Variants in MARK3 observed in about 807,000 individuals in gnomAD.
The protein encoded by MARK3 is MAP/microtubule affinity-regulating kinase 3.
Under a neutral mutation model 90.1 loss-of-function variants are expected in MARK3, and 46 were observed. The observed-to-expected ratio is 0.51, with a 90% CI of 0.40 to 0.65. MARK3 has a LOEUF of 0.65. Ranked by LOEUF, MARK3 falls within the 30% of genes least tolerant of loss-of-function variation. The probability of loss-of-function intolerance (pLI) is 0.00; values close to 1 mark genes in which losing one functional copy is unlikely to be tolerated. For synonymous variants in MARK3, 321 were observed against 332.6 expected, an observed-to-expected ratio of 0.97 and a Z score of 0.38; for missense variants, 818 against 947.2, an observed-to-expected ratio of 0.86 and a Z score of 1.79.
chr14:103,400,130 T>A (rs375362552), intron 1 of MARK3, among the ~76,000 whole-genome samples: 153 of 152,282 alleles, frequency 1.0e-3, no homozygotes, highest in South Asian at 4.4e-3. Flanking sequence ...GGTTTCACCA[T>A]GTTGGCCAGG....
chr14:103,462,586 A>G, intron 7 of MARK3, 125 bp downstream of exon 7: 1 of 532,908 alleles, frequency 1.9e-6, no homozygotes, highest in Admixed American at 3.4e-5. Context: ...CAATAATTGA[A>G]TCCTCTTAAT....
At chr14:103,417,707 TTCTATC>T (rs759040196) in intron 2 of MARK3, among the ~76,000 whole-genome samples, 13 of 152,180 alleles carry the variant, frequency 8.5e-5, no homozygotes, top group South Asian at 4.1e-4. Context: ...AAAATCTATC[TTCTATC>T]TCTATGTTTT....
intron 1 of MARK3, 181 bp downstream of exon 1, chr14:103,386,261 T>C (rs1462583038): frequency 2.8e-6 from 2 of 722,366 alleles, no homozygotes; most frequent in Non-Finnish European, 2.5e-6. Context: ...TGTCCCGCTG[T>C]TCGCGGGCGG....
chr14:103,462,013 G>A (rs1039931212), intron 6 of MARK3, among the ~76,000 whole-genome samples: 36 of 141,896 alleles, frequency 2.5e-4, no homozygotes, highest in African/African-American at 9.2e-4. Context: ...TCTAGCCTGG[G>A]TGACAGAACG....
intron 6 of MARK3, among the ~76,000 whole-genome samples, chr14:103,457,850 A>G (rs974121508): frequency 3.9e-5 from 6 of 152,228 alleles, no homozygotes; most frequent in Admixed American, 6.5e-5. Context: ...AAATAAGACA[A>G]CTGAGACATG....
chr14:103,469,595 A>G (rs2093586570), intron 12 of MARK3, among the ~76,000 whole-genome samples: 1 of 151,878 alleles, frequency 6.6e-6, no homozygotes, highest in Non-Finnish European at 1.5e-5. Flanking sequence ...CTGGGACTAT[A>G]GGCACACACC....
At chr14:103,454,806 A>G (rs2093238476) in intron 5 of MARK3, among the ~76,000 whole-genome samples, 1 of 152,206 alleles carries the variant, frequency 6.6e-6, no homozygotes, top group South Asian at 2.1e-4. Flanking sequence ...GTTCTATGCC[A>G]AGGGGTCCAT....
chr14:103,425,471 C>A (rs1490582870), intron 2 of MARK3, among the ~76,000 whole-genome samples: 2 of 151,980 alleles, frequency 1.3e-5, no homozygotes, highest in African/African-American at 4.8e-5. Context: ...CCATGTTGGC[C>A]AGGCTGGTCT....
intron 14 of MARK3, among the ~76,000 whole-genome samples, chr14:103,484,163 C>CT (rs34512580): frequency 0.66 from 96,984 of 146,166 alleles, 32,171 homozygotes; most frequent in South Asian, 0.81. Flanking sequence ...AGAATCTTTT[C>CT]TTTTTTTTTT....
Position 103,478,640 on chromosome 14 carries a change from A to G in MARK3, c.1483-1747A>G, listed in dbSNP as rs2093762512. On this transcript the variant is annotated intron_variant, in intron 13 of 17. Transcript: ENST00000429436. Reference sequence around the variant, plus strand: ...CTGCAAACTCCACCTCCCGGGTTCAAGCGATTCTCCTGCCTCAGCCTCCTG... The same window carrying G: ...CTGCAAACTCCACCTCCCGGGTTCAGGCGATTCTCCTGCCTCAGCCTCCTG... Among the ~76,000 whole-genome samples the G allele has an allele frequency of 2.2e-5, 3 of 139,106 alleles. No individual in the cohort carries two copies. The Admixed American group carries it at 2.2e-4, about 10-fold the overall frequency. The allele number at this position is 139,106 out of a possible 152,430, so 91.3% of individuals were successfully genotyped here. A position where few individuals can be genotyped will look rare whatever the true frequency, so the allele number is the denominator to read the frequency against.
chr14:103,462,161 C>G (rs1274335779), intron 6 of MARK3, among the ~76,000 whole-genome samples: 1 of 151,894 alleles, frequency 6.6e-6, no homozygotes, highest in African/African-American at 2.4e-5. Context: ...GGATAGGGTC[C>G]AAAAAGAGAC....
chr14:103,476,878 A>G (rs771483430), intron 13 of MARK3, among the ~76,000 whole-genome samples: 9 of 152,234 alleles, frequency 5.9e-5, no homozygotes, highest in Non-Finnish European at 1.3e-4. Context: ...AATGCCATAC[A>G]GTAGGATTAT....
intron 12 of MARK3, among the ~76,000 whole-genome samples, chr14:103,470,059 CA>C (rs77013768): frequency 0.35 from 38,340 of 111,102 alleles, 5,784 homozygotes; most frequent in Non-Finnish European, 0.41. Context: ...GAGTCCATCT[CA>C]AAAAAAAAAA....
At chr14:103,490,889 C>T (rs2094004747) in intron 14 of MARK3, 1 of 1,117,700 alleles carries the variant, frequency 8.9e-7, no homozygotes, top group Non-Finnish European at 1.1e-6. Flanking sequence ...ACACAGGTTG[C>T]TCTGTGGTCA....
Position 103,491,898 on chromosome 14 carries a change from C to G in MARK3, c.1708C>G (p.Arg570Gly), listed in dbSNP as rs376395495. The change falls in exon 15 of 18, where the codon CGG becomes GGG. Residue 570 changes from arginine to glycine, a missense_variant. Arg to Gly is a moderately radical substitution (Grantham distance 125). Transcript: ENST00000429436. Reference sequence around the variant, plus strand: ...TCGTAGCACTTTCCACGGCCAGCCCCGGGAACGGCGAACCGCAACATATAA... The same window carrying G: ...TCGTAGCACTTTCCACGGCCAGCCCGGGGAACGGCGAACCGCAACATATAA... ...ASRSTFHGQPRERRTATYNGP... is the reference protein window; with the variant it reads ...ASRSTFHGQPGERRTATYNGP... 51 of 1,614,050 alleles carry G rather than the reference C, an allele frequency of 3.2e-5. No homozygotes were observed. The South Asian group carries it at 5.4e-4, about 17-fold the overall frequency.
intron 1 of MARK3, among the ~76,000 whole-genome samples, chr14:103,388,865 CTGAG>C (rs1208393687): frequency 6.6e-6 from 1 of 152,046 alleles, no homozygotes; most frequent in Non-Finnish European, 1.5e-5. Flanking sequence ...CTTTTTATTG[CTGAG>C]TAAGTATTTC....
At chr14:103,413,429 CTT>C (rs33971338) in intron 2 of MARK3, among the ~76,000 whole-genome samples, 5 of 131,702 alleles carry the variant, frequency 3.8e-5, no homozygotes, top group Non-Finnish European at 7.9e-5. Flanking sequence ...TAATAGCATG[CTT>C]TTTTTTTTTT....
Position 103,423,972 on chromosome 14 carries a change from G to A in MARK3, c.244-4415G>A, listed in dbSNP as rs143984463. Among the ~76,000 whole-genome samples the A allele has an allele frequency of 9.5e-4, 145 of 152,246 alleles. 1 individual carries two copies. Among genetic ancestry groups the A allele is most frequent in the African/African-American group, 3.1e-3 (128 of 41,538 alleles). On this transcript the variant is annotated intron_variant, in intron 2 of 17. Coordinates refer to ENST00000429436, the MANE Select transcript of MARK3 (RefSeq NM_001128918.3). ...TGTAATTCCAGCACTTTGGGAGGCC[G>A]AGGCGGGTGGATCACCTGAGGTCAG...
chr14:103,390,477 G>A (rs981786337), intron 1 of MARK3, among the ~76,000 whole-genome samples: 5 of 148,674 alleles, frequency 3.4e-5, no homozygotes, highest in Non-Finnish European at 6.0e-5. Context: ...TTTTTTTTAA[G>A]CTTGTAGATC....
Sources: allele counts gnomAD v4.1 joint callset (sites outside exome capture counted in the v4.1 genomes callset), GRCh38; gene constraint gnomAD v4.1.1; transcripts MANE v1.5; gene names NCBI Gene and HGNC (gene_info 2026-07-23, HGNC 2026-07-21).